Variants in NRXN3 observed in about 807,000 individuals in gnomAD.
The protein encoded by NRXN3 is neurexin III.
Under a neutral mutation model 137.6 loss-of-function variants are expected in NRXN3, and 32 were observed. That is an observed-to-expected ratio of 0.23 (90% CI 0.18 to 0.31). NRXN3 has a LOEUF of 0.31. Ranked by LOEUF, NRXN3 falls within the 10% of genes least tolerant of loss-of-function variation. NRXN3 has a pLI of 1.00. For synonymous variants in NRXN3, 798 were observed against 784.5 expected, an observed-to-expected ratio of 1.02 and a Z score of -0.29; for missense variants, 1,574 against 2,062.5, an observed-to-expected ratio of 0.76 and a Z score of 4.59.
intron 15 of NRXN3, among the ~76,000 whole-genome samples, chr14:79,316,658 T>C (rs944451877): frequency 5.9e-5 from 9 of 152,052 alleles, no homozygotes; most frequent in African/African-American, 2.2e-4. Context: ...AATTTTACCA[T>C]GCAGACTCCA....
In NRXN3 at chr14:78,264,989, G is replaced by C. The variant is rs947219991; in HGVS notation, c.710-13656G>C. ...CTAAAATGCATGAGTGAGTGTCTGGGCTTAGAGATAAATCTCCAAGTTCAC... is the reference window on the plus strand; with the variant it reads ...CTAAAATGCATGAGTGAGTGTCTGGCCTTAGAGATAAATCTCCAAGTTCAC... On this transcript the variant is annotated intron_variant, in intron 2 of 20. Transcript: ENST00000335750. Among the ~76,000 whole-genome samples the C allele has an allele frequency of 2.0e-5, 3 of 152,278 alleles. No individual in the cohort carries two copies. In the East Asian group the frequency reaches 5.8e-4, roughly 29 times the overall value.
chr14:78,593,875 AC>A (rs1460907360), intron 4 of NRXN3, among the ~76,000 whole-genome samples: 1 of 151,796 alleles, frequency 6.6e-6, no homozygotes, highest in Admixed American at 6.6e-5. Flanking sequence ...TGCTGCCCCC[AC>A]CCCAATGGAG....
At chr14:78,766,682 TG>T (rs2098710212) in intron 8 of NRXN3, among the ~76,000 whole-genome samples, 1 of 152,190 alleles carries the variant, frequency 6.6e-6, no homozygotes, top group African/African-American at 2.4e-5. Context: ...GAGCCAGCCC[TG>T]CAATCAAGGG....
At chr14:78,565,200 G>A (rs2096826099) in intron 4 of NRXN3, among the ~76,000 whole-genome samples, 1 of 152,132 alleles carries the variant, frequency 6.6e-6, no homozygotes, top group Admixed American at 6.6e-5. Flanking sequence ...TGAAAGCAAG[G>A]ATCCTAAGAA....
intron 10 of NRXN3, among the ~76,000 whole-genome samples, chr14:78,877,611 T>C (rs1190098723): frequency 6.6e-6 from 1 of 152,230 alleles, no homozygotes; most frequent in African/African-American, 2.4e-5. Context: ...CCTGTAATAA[T>C]GCTCAACAAA....
chr14:78,359,250 G>A (rs1394724088), intron 4 of NRXN3, among the ~76,000 whole-genome samples: 1 of 152,146 alleles, frequency 6.6e-6, no homozygotes, highest in East Asian at 1.9e-4. Context: ...AAAAAATTCT[G>A]ATGTATGGTT....
intron 15 of NRXN3, among the ~76,000 whole-genome samples, chr14:79,159,275 T>C (rs1268557141): frequency 6.6e-6 from 1 of 151,786 alleles, no homozygotes; most frequent in East Asian, 1.9e-4. Context: ...GATGAAGCCA[T>C]GTTTCATCTC....
chr14:79,514,493 C>T (rs2096963284), intron 16 of NRXN3, among the ~76,000 whole-genome samples: 2 of 152,298 alleles, frequency 1.3e-5, no homozygotes, highest in South Asian at 2.1e-4. Flanking sequence ...GATGCTTCCT[C>T]AGAGAAAGAA....
intron 10 of NRXN3, among the ~76,000 whole-genome samples, chr14:78,934,956 GTAATAA>G (rs34363893): frequency 0.1 from 15,370 of 149,868 alleles, 929 homozygotes; most frequent in African/African-American, 0.15. Context: ...AACTTAAAGT[GTAATAA>G]TAATAATAAT....
rs568659247 is a variant in NRXN3 at position 78,256,276 on chromosome 14, C to T, written c.709+12474C>T. Among the ~76,000 whole-genome samples, 4 of 152,206 alleles carry T rather than the reference C, an allele frequency of 2.6e-5. No homozygotes were observed. The East Asian group carries it at 7.7e-4, about 29-fold the overall frequency. ...TCACTAGAGACAGGATAATTATCCT[C>T]AGATATTGGAAGTGCTGCCATGCAA... On this transcript the variant is annotated intron_variant, in intron 2 of 20. Transcript: ENST00000335750.
rs186965934 is a variant in NRXN3, at chr14:79,123,458, C to A, written c.3262+135317C>A. On this transcript the variant is annotated intron_variant, in intron 15 of 20. Transcript: ENST00000335750. ...CTATAATTCATCCAGTTATTCATTC[C>A]TTCCCTGAAAAATAGGACCTAAAAT... is the stretch of plus-strand genomic sequence containing the variant. 7.0e-4 allele frequency among the ~76,000 whole-genome samples: 107 copies of A among 152,226 alleles called. 1 individual carries two copies. Among genetic ancestry groups the A allele is most frequent in the African/African-American group, 2.5e-3 (104 of 41,534 alleles).
chr14:78,363,327 C>T (rs2085413033), intron 4 of NRXN3, among the ~76,000 whole-genome samples: 1 of 152,152 alleles, frequency 6.6e-6, no homozygotes, highest in Non-Finnish European at 1.5e-5. Context: ...AGCTATGCCT[C>T]ATTTATTTCC....
chr14:79,121,293 A>T (rs1027375564), intron 15 of NRXN3, among the ~76,000 whole-genome samples: 1 of 152,218 alleles, frequency 6.6e-6, no homozygotes, highest in African/African-American at 2.4e-5. Context: ...TAAAACTGTG[A>T]GATCATGATC....
chr14:79,216,393 T>C (rs2068509087), intron 15 of NRXN3, among the ~76,000 whole-genome samples: 1 of 152,142 alleles, frequency 6.6e-6, no homozygotes, highest in Admixed American at 6.6e-5. Context: ...TTTCATTGGT[T>C]ACATGTGAAT....
chr14:79,280,056 A>C, intron 15 of NRXN3: 1 of 1,332,888 alleles, frequency 7.5e-7, no homozygotes, highest in Non-Finnish European at 9.6e-7. Flanking sequence ...CTGGCATTCT[A>C]AATTTCAGCT....
At chr14:79,104,097 T>C (rs1275820087) in intron 15 of NRXN3, among the ~76,000 whole-genome samples, 1 of 152,176 alleles carries the variant, frequency 6.6e-6, no homozygotes, top group Non-Finnish European at 1.5e-5. Context: ...TGAAACGTTT[T>C]TGTTATCAGG....
Position 79,642,421 on chromosome 14 carries a change from A to AT in NRXN3, c.3445-21351dup, listed in dbSNP as rs1396565166. On this transcript the variant is annotated intron_variant, in intron 16 of 20. Transcript: ENST00000335750. Reference sequence around the variant, plus strand: ...TTCATCTTAATTCACATTCGTTGAGATTTTTTCTCTGTTTCCAAGTCTCTT... The same window carrying AT: ...TTCATCTTAATTCACATTCGTTGAGATTTTTTTCTCTGTTTCCAAGTCTCTT... Among the ~76,000 whole-genome samples the AT allele has an allele frequency of 5.2e-5, 7 of 134,686 alleles. 2 individuals carry two copies. Among genetic ancestry groups the AT allele is most frequent in the Non-Finnish European group, 5.2e-5 (3 of 57,942 alleles). 88.4% of individuals were successfully genotyped at this position (134,686 alleles called of 152,430 possible).
At chr14:79,305,130 T>C (rs2085828070) in intron 15 of NRXN3, among the ~76,000 whole-genome samples, 1 of 152,070 alleles carries the variant, frequency 6.6e-6, no homozygotes, top group Non-Finnish European at 1.5e-5. Context: ...ATCTGTAAAA[T>C]GGGTATTTTT....
intron 16 of NRXN3, among the ~76,000 whole-genome samples, chr14:79,570,850 C>A (rs185703610): frequency 1.3e-5 from 2 of 152,288 alleles, no homozygotes; most frequent in East Asian, 1.9e-4. Context: ...TTGCTGTATT[C>A]TCATATCACC....
Sources: gnomAD v4.1 joint callset for allele counts (sites outside exome capture counted in the v4.1 genomes callset) on GRCh38, gnomAD v4.1.1 for gene constraint, MANE v1.5 for transcripts, NCBI Gene and HGNC (gene_info 2026-07-23, HGNC 2026-07-21) for gene names.